Variants in TACC1 observed in about 807,000 individuals in gnomAD.
TACC1 encodes the protein transforming acidic coiled-coil containing protein 1, also known as transforming acidic coiled-coil-containing protein 1.
In TACC1, 48 loss-of-function variants were observed where a neutral mutation model predicts 84.4. That is an observed-to-expected ratio of 0.57 (90% confidence interval 0.45 to 0.72). The LOEUF (loss-of-function observed/expected upper bound fraction) is 0.72, where lower values mean the gene tolerates loss of function less well. Among genes scored for constraint, TACC1 ranks in the 30% least tolerant of loss-of-function variants. The pLI, the probability that TACC1 is intolerant of heterozygous loss-of-function variation, is 0.00. For synonymous variants in TACC1, 372 were observed against 376.3 expected (o/e 0.99, Z 0.13); for missense variants, 920 against 973.0 (o/e 0.95, Z 0.72).
At chr8:38,799,174 G>A (rs756695948) in intron 2 of TACC1, among the ~76,000 whole-genome samples, 82 of 152,220 alleles carry the variant, frequency 5.4e-4, no homozygotes, top group Non-Finnish European at 1.9e-4. Flanking sequence ...ACCAAGGCAC[G>A]GAAAGGAGGA....
chr8:38,783,102 C>CTATATA (rs779724480), upstream of TACC1, among the ~76,000 whole-genome samples: 9 of 97,232 alleles, frequency 9.3e-5, no homozygotes, highest in South Asian at 3.4e-4. Context: ...ATCTATCTAT[C>CTATATA]TATCTATATA....
At chr8:38,774,597 A>T (rs1364438567) in intron 3 of TACC1, among the ~76,000 whole-genome samples, 1 of 152,104 alleles carries the variant, frequency 6.6e-6, no homozygotes, top group Non-Finnish European at 1.5e-5. Flanking sequence ...GGCTCAAATG[A>T]TCCTCCCATC....
intron 1 of TACC1, among the ~76,000 whole-genome samples, chr8:38,741,677 G>A (rs371188182): frequency 2.0e-5 from 3 of 152,184 alleles, no homozygotes; most frequent in East Asian, 3.9e-4. Context: ...TGCCCTGCCC[G>A]TCCAAGACTA....
At chr8:38,828,657 A>T (rs1828630200) in intron 5 of TACC1, among the ~76,000 whole-genome samples, 1 of 152,084 alleles carries the variant, frequency 6.6e-6, no homozygotes, top group Admixed American at 6.6e-5. Context: ...AGGTCTTATG[A>T]ACTATTTTCA....
chr8:38,842,194 G>A lies in TACC1; in HGVS notation c.1961-93G>A, dbSNP rs564827344. The A allele has an allele frequency of 8.3e-6, 12 of 1,447,524 alleles. No individual in the cohort carries two copies. The East Asian group carries it at 1.6e-4, about 19-fold the overall frequency. The allele number at this position is 1,447,524 out of a possible 1,614,324, so 89.7% of individuals were successfully genotyped here. ...AGAGCGGGAATTTGGTCACATCCCC[G>A]GCTGTGTCCCTACCACGAGAACACT... On this transcript the variant is annotated intron_variant, in intron 9 of 12. Coordinates refer to ENST00000317827, the MANE Select transcript of TACC1 (RefSeq NM_006283.3).
At chr8:38,816,418 G>T (rs1015010556) in intron 2 of TACC1, among the ~76,000 whole-genome samples, 1 of 152,142 alleles carries the variant, frequency 6.6e-6, no homozygotes, top group Non-Finnish European at 1.5e-5. Flanking sequence ...CAAAAATTCA[G>T]TTCATTTCTT....
At chr8:38,757,228 C>T (rs1178834161) in intron 3 of TACC1, 21 of 323,270 alleles carry the variant, frequency 6.5e-5, no homozygotes, top group South Asian at 6.2e-5. Context: ...CGCCCTCCCT[C>T]GCCCCACCCT....
intron 5 of TACC1, 36 bp from the exon 6 acceptor site, chr8:38,831,086 ACTT>A (rs1298385828): frequency 6.2e-7 from 1 of 1,610,384 alleles, no homozygotes; most frequent in South Asian, 1.1e-5. Context: ...AAAGGAACCG[ACTT>A]CTTGGGATAA....
intron 3 of TACC1, chr8:38,745,568 G>T (rs1807924450): frequency 4.6e-6 from 3 of 656,462 alleles, no homozygotes. Flanking sequence ...TTTTGAGATG[G>T]AATCTTGCTC....
intron 2 of TACC1, among the ~76,000 whole-genome samples, chr8:38,798,427 G>A (rs1475084114): frequency 1.3e-5 from 2 of 152,126 alleles, no homozygotes; most frequent in African/African-American, 2.4e-5. Context: ...TAGGTTTTAG[G>A]GGGAGCCTCT....
intron 2 of TACC1, among the ~76,000 whole-genome samples, chr8:38,791,451 C>T (rs547463503): frequency 6.6e-6 from 1 of 152,326 alleles, no homozygotes; most frequent in African/African-American, 2.4e-5. Flanking sequence ...CGTACCCTGA[C>T]TTCCAGGGTC....
intron 5 of TACC1, among the ~76,000 whole-genome samples, chr8:38,830,594 T>A (rs929751784): frequency 6.6e-6 from 1 of 152,128 alleles, no homozygotes; most frequent in African/African-American, 2.4e-5. Context: ...AATGTCATCC[T>A]CTACCCTAGT....
chr8:38,843,484 G>T, intron 11 of TACC1, 89 bp downstream of exon 11: 2 of 901,178 alleles, frequency 2.2e-6, no homozygotes, highest in African/African-American at 1.7e-5. Flanking sequence ...CGCAACTCCA[G>T]GTTGTATTTT....
intron 2 of TACC1, among the ~76,000 whole-genome samples, chr8:38,789,235 G>A (rs913412238): frequency 6.6e-6 from 1 of 152,014 alleles, no homozygotes; most frequent in Non-Finnish European, 1.5e-5. Flanking sequence ...AGGCTTTTTC[G>A]GAATCACTCA....
intron 2 of TACC1, among the ~76,000 whole-genome samples, chr8:38,806,821 T>C (rs1914255): frequency 1 from 151,754 of 152,260 alleles, 75,627 homozygotes; most frequent in East Asian, 1. Context: ...ATACTTACTT[T>C]CTCGAGTTAG....
upstream of TACC1, among the ~76,000 whole-genome samples, chr8:38,783,106 C>CTATATATATATATA: frequency 1.1e-5 from 1 of 87,456 alleles, no homozygotes; most frequent in African/African-American, 3.5e-5. Flanking sequence ...ATCTATCTAT[C>CTATATATATATATA]TATATATATA....
At chr8:38,844,289 C>T (rs1831809546) in intron 11 of TACC1, among the ~76,000 whole-genome samples, 2 of 152,116 alleles carry the variant, frequency 1.3e-5, no homozygotes, top group African/African-American at 4.8e-5. Flanking sequence ...TCTCCTGCCT[C>T]AGCCTCCCAA....
intron 2 of TACC1, among the ~76,000 whole-genome samples, chr8:38,817,919 T>TTAA (rs1491504470): frequency 6.7e-4 from 32 of 47,824 alleles, no homozygotes; most frequent in African/African-American, 2.7e-3. Context: ...GAGAGACCCC[T>TTAA]AAAAAAAAAA....
At chr8:38,750,035 G>A (rs577725926) in intron 3 of TACC1, among the ~76,000 whole-genome samples, 2 of 152,138 alleles carry the variant, frequency 1.3e-5, no homozygotes, top group African/African-American at 4.8e-5. Flanking sequence ...CTATAAGAAG[G>A]GGGTAAAAGG....
Sources: allele counts gnomAD v4.1 joint callset (sites outside exome capture counted in the v4.1 genomes callset), GRCh38; gene constraint gnomAD v4.1.1; transcripts MANE v1.5; gene names NCBI Gene and HGNC (gene_info 2026-07-23, HGNC 2026-07-21).